The following SLC39A11 variants were observed in gnomAD, a reference collection of about 807,000 sequenced individuals.
The protein encoded by SLC39A11 is zinc transporter ZIP11.
A neutral mutation model predicts 36.1 loss-of-function variants in SLC39A11; 33 were observed. The observed-to-expected ratio is 0.91, with a 90% CI of 0.69 to 1.22. The LOEUF (loss-of-function observed/expected upper bound fraction) is 1.22, where lower values mean the gene tolerates loss of function less well. SLC39A11 is among the 50% of genes most tolerant of loss of function. The pLI is 0.00. For missense variants in SLC39A11, 432 were observed against 430.3 expected, an observed-to-expected ratio of 1.00 and a Z score of -0.03; for synonymous variants, 166 against 170.3, an observed-to-expected ratio of 0.97 and a Z score of 0.20.
intron 7 of SLC39A11, among the ~76,000 whole-genome samples, chr17:72,690,181 G>C (rs1341211232): frequency 6.6e-6 from 1 of 152,266 alleles, no homozygotes; most frequent in Non-Finnish European, 1.5e-5. Context: ...TGTCCCATGG[G>C]ATGGGGGTAC....
chr17:72,650,477 A>G (rs2069798674), intron 7 of SLC39A11, among the ~76,000 whole-genome samples: 1 of 152,244 alleles, frequency 6.6e-6, no homozygotes, highest in Non-Finnish European at 1.5e-5. Context: ...CAACTTGCAC[A>G]GGAAACAGAG....
At chr17:72,876,559 G>A (rs1045743921) in intron 5 of SLC39A11, among the ~76,000 whole-genome samples, 13 of 152,108 alleles carry the variant, frequency 8.5e-5, no homozygotes, top group Non-Finnish European at 1.9e-4. Flanking sequence ...TCCTTTCTCA[G>A]AAAACCAACC....
At chr17:72,769,291 G>T (rs1188694560) in intron 6 of SLC39A11, among the ~76,000 whole-genome samples, 1 of 152,188 alleles carries the variant, frequency 6.6e-6, no homozygotes, top group African/African-American at 2.4e-5. Flanking sequence ...CATATACAGT[G>T]TTGTCACTCA....
rs752437903 is a variant in SLC39A11 at position 72,648,986 on chromosome 17, C to T, written c.771-25G>A. On this transcript the variant is annotated intron_variant, in intron 8 of 9. Transcript: ENST00000255559. ...CCTAAGGAGAGAACAGAGACATTTA[C>T]CACCGCAGGGGGAGGCAAGCAGACA... is the stretch of plus-strand genomic sequence containing the variant. The T allele has an allele frequency of 2.5e-6, 4 of 1,599,992 alleles. No individual in the cohort carries two copies. In the Admixed American group the frequency reaches 5.2e-5, roughly 21 times the overall value.
chr17:72,836,613 T>C (rs1397211722), intron 6 of SLC39A11, among the ~76,000 whole-genome samples: 1 of 152,154 alleles, frequency 6.6e-6, no homozygotes, highest in African/African-American at 2.4e-5. Flanking sequence ...AGTGCTGAAA[T>C]TACAGGTGTG....
intron 5 of SLC39A11, among the ~76,000 whole-genome samples, chr17:72,900,421 G>A (rs2082333473): frequency 7.6e-6 from 1 of 131,220 alleles, no homozygotes; most frequent in Admixed American, 7.6e-5. Flanking sequence ...GGATTATGAG[G>A]ATGTATGAGG....
chr17:72,702,488 T>C (rs757149349), intron 7 of SLC39A11, among the ~76,000 whole-genome samples: 1 of 152,144 alleles, frequency 6.6e-6, no homozygotes, highest in Non-Finnish European at 1.5e-5. Context: ...TACCAGATGA[T>C]CAACAGTGCC....
chr17:72,873,778 G>A (rs768865835), intron 5 of SLC39A11, among the ~76,000 whole-genome samples: 1 of 152,100 alleles, frequency 6.6e-6, no homozygotes, highest in African/African-American at 2.4e-5. Context: ...GAAACGGTTT[G>A]GCTCTGTGTC....
intron 5 of SLC39A11, among the ~76,000 whole-genome samples, chr17:72,874,792 C>T (rs1451593226): frequency 6.6e-6 from 1 of 152,192 alleles, no homozygotes; most frequent in Non-Finnish European, 1.5e-5. Context: ...AGCCCATTCC[C>T]CTGTCCCGCT....
chr17:72,861,358 A>G (rs1476767759), intron 5 of SLC39A11, among the ~76,000 whole-genome samples: 1 of 152,116 alleles, frequency 6.6e-6, no homozygotes, highest in African/African-American at 2.4e-5. Flanking sequence ...CTGCCCTTCA[A>G]GATAGTCTAC....
chr17:73,082,477 TC>T (rs1318847021), intron 3 of SLC39A11, among the ~76,000 whole-genome samples: 3 of 152,174 alleles, frequency 2.0e-5, no homozygotes, highest in Non-Finnish European at 2.9e-5. Context: ...TTGATTTTTT[TC>T]TTTTTTGTTT....
At chr17:72,829,106 C>T (rs1598900165) in intron 6 of SLC39A11, among the ~76,000 whole-genome samples, 1 of 152,160 alleles carries the variant, frequency 6.6e-6, no homozygotes, top group East Asian at 1.9e-4. Flanking sequence ...AATCCCAGCA[C>T]TTTGAGAGGC....
At chr17:72,892,835 C>T (rs2081827067) in intron 5 of SLC39A11, among the ~76,000 whole-genome samples, 1 of 152,202 alleles carries the variant, frequency 6.6e-6, no homozygotes, top group Non-Finnish European at 1.5e-5. Context: ...TAACTCCTTC[C>T]TCCAACTGAC....
chr17:72,729,966 C>T (rs147164273), intron 7 of SLC39A11, among the ~76,000 whole-genome samples: 9 of 151,994 alleles, frequency 5.9e-5, no homozygotes, highest in Non-Finnish European at 8.8e-5. Flanking sequence ...TATATCACAT[C>T]GAAATCAAGA....
chr17:72,692,362 G>A (rs767151274), intron 7 of SLC39A11, among the ~76,000 whole-genome samples: 8 of 152,166 alleles, frequency 5.3e-5, no homozygotes, highest in Non-Finnish European at 1.0e-4. Flanking sequence ...ATGAGGTGAT[G>A]CATTAGTCTG....
At chr17:72,659,189 G>A (rs150923953) in intron 7 of SLC39A11, among the ~76,000 whole-genome samples, 2 of 152,256 alleles carry the variant, frequency 1.3e-5, no homozygotes, top group African/African-American at 4.8e-5. Context: ...TGTCTTCAAG[G>A]AACTTATAAT....
At chr17:72,955,289 T>C (rs1206708799) in intron 4 of SLC39A11, among the ~76,000 whole-genome samples, 1 of 127,606 alleles carries the variant, frequency 7.8e-6, no homozygotes, top group Non-Finnish European at 1.6e-5. Flanking sequence ...GCTTTAACTT[T>C]TCAGTTCTCT....
At chr17:72,741,179 C>T (rs2074681990) in intron 6 of SLC39A11, among the ~76,000 whole-genome samples, 1 of 152,166 alleles carries the variant, frequency 6.6e-6, no homozygotes, top group African/African-American at 2.4e-5. Context: ...GTAGTTAATT[C>T]TATGTAGTTA....
At chr17:73,054,014 C>T (rs1249404327) in intron 3 of SLC39A11, among the ~76,000 whole-genome samples, 3 of 152,144 alleles carry the variant, frequency 2.0e-5, no homozygotes. Context: ...TAAATCAGCA[C>T]ACATGGGGGG....
Sources: gnomAD v4.1 joint callset for allele counts (sites outside exome capture counted in the v4.1 genomes callset) on GRCh38, gnomAD v4.1.1 for gene constraint, MANE v1.5 for transcripts, NCBI Gene and HGNC (gene_info 2026-07-23, HGNC 2026-07-21) for gene names.